Variants in IGF2R observed in about 807,000 individuals in gnomAD.
IGF2R encodes insulin like growth factor 2 receptor, also known as cation-independent mannose-6-phosphate receptor.
In IGF2R, 91 loss-of-function variants were observed where a neutral mutation model predicts 270.6. That is an observed-to-expected ratio of 0.34 (90% CI 0.28 to 0.40). The LOEUF is 0.40. Among genes scored for constraint, IGF2R ranks in the 10% least tolerant of loss-of-function variants. The probability of loss-of-function intolerance (pLI) is 1.00; values close to 1 mark genes in which losing one functional copy is unlikely to be tolerated. For synonymous variants in IGF2R, 1,316 were observed against 1,258.9 expected (o/e 1.05, Z -0.96); for missense variants, 2,805 against 3,188.3 (o/e 0.88, Z 2.90).
chr6:160,073,328 C>T lies in IGF2R; in HGVS notation c.4806C>T (p.Ser1602=), dbSNP rs771243457. Residue 1602 remains serine (S), a synonymous_variant, in exon 34 of 48, where the codon TCC becomes TCT. Coordinates refer to ENST00000356956, the MANE Select transcript of IGF2R (RefSeq NM_000876.4). The stretch of plus-strand genomic sequence containing the variant: ...ATGGGTCCCCTTGTCCCTCCAAATC[C>T]GGCCTGAGCTATAAGAGTGTGATCA... ...YKDGSPCPSK[S]GLSYKSVISF... The T allele has an allele frequency of 1.2e-5, 20 of 1,614,128 alleles. No homozygotes were observed. The highest frequency in any genetic ancestry group is 3.3e-4 in the Middle Eastern group (2 of 6,084).
At chr6:160,081,736 A>G (rs938731984) in intron 39 of IGF2R, among the ~76,000 whole-genome samples, 1 of 152,178 alleles carries the variant, frequency 6.6e-6, no homozygotes, top group Non-Finnish European at 1.5e-5. Context: ...TAATTATTAA[A>G]ATTCCTTACT....
intron 18 of IGF2R, 108 bp downstream of exon 18, chr6:160,048,651 A>C (rs1040279100): frequency 8.8e-7 from 1 of 1,130,734 alleles, no homozygotes; most frequent in African/African-American, 1.6e-5. Flanking sequence ...CAGCTGCTCG[A>C]GAGAAACCCT....
At chr6:160,074,014 A>G (rs538649287) in intron 35 of IGF2R, 39 bp downstream of exon 35, 14 of 1,475,252 alleles carry the variant, frequency 9.5e-6, no homozygotes, top group South Asian at 2.4e-5. Context: ...TAATTTTTGC[A>G]AGACTTTTAG....
At position 160,058,940 on chromosome 6, in the gene IGF2R, C is replaced by G. The variant is rs773883927; in HGVS notation, c.2933C>G (p.Thr978Ser). The stretch of plus-strand genomic sequence containing the variant: ...TGCGGCACAATGCCTGTCTGTGGGA[C>G]CATCCTGGGAAAACCTGCTTCTGGC... ...NVCGTMPVCG[T>S]ILGKPASGCE... is the part of the protein sequence containing the mutation. The change falls in exon 22 of 48, where the codon ACC (threonine) becomes AGC (serine). Residue 978 changes from threonine (T) to serine (S), a missense_variant. Physicochemically the swap from Thr to Ser is moderately conservative, Grantham distance 58 (BLOSUM62 1). Coordinates refer to ENST00000356956, the MANE Select transcript of IGF2R (RefSeq NM_000876.4). 1.2e-6 allele frequency: 2 copies of G among 1,614,086 alleles called. No individual in the cohort carries two copies. Among genetic ancestry groups the G allele is most frequent in the Non-Finnish European group, 1.7e-6 (2 of 1,180,052 alleles).
At chr6:160,012,610 G>T (rs143766154) in intron 4 of IGF2R, among the ~76,000 whole-genome samples, 20 of 151,666 alleles carry the variant, frequency 1.3e-4, no homozygotes, top group African/African-American at 4.8e-4. Context: ...AGGGGGTGAT[G>T]GAATCTGCCC....
At chr6:160,046,902 T>G (rs1222777277) in intron 15 of IGF2R, among the ~76,000 whole-genome samples, 1 of 152,198 alleles carries the variant, frequency 6.6e-6, no homozygotes, top group African/African-American at 2.4e-5. Flanking sequence ...TGCCTAGATA[T>G]CTCTGTGCGT....
In IGF2R at chr6:160,027,773, C is replaced by T. The variant is rs8191755; in HGVS notation, c.776+459C>T. Among the ~76,000 whole-genome samples the T allele has an allele frequency of 9.0e-4, 137 of 152,288 alleles. 3 individuals carry two copies. In the South Asian group the frequency reaches 0.025, roughly 28 times the overall value. On this transcript the variant is annotated intron_variant, in intron 6 of 47. Transcript: ENST00000356956. ...TGGTGTTCCTTATAATGTGTTGTGCCGTGTACATATGCTCTTGTACTGCCT... is the reference window on the plus strand; with the variant it reads ...TGGTGTTCCTTATAATGTGTTGTGCTGTGTACATATGCTCTTGTACTGCCT...
At chr6:160,038,889 G>A (rs893705936) in intron 10 of IGF2R, among the ~76,000 whole-genome samples, 1 of 152,172 alleles carries the variant, frequency 6.6e-6, no homozygotes, top group Non-Finnish European at 1.5e-5. Flanking sequence ...GGGCAATCTT[G>A]CCTTGTGGTT....
chr6:160,002,495 C>A (rs9355771), intron 2 of IGF2R, among the ~76,000 whole-genome samples: 1 of 152,088 alleles, frequency 6.6e-6, no homozygotes, highest in Admixed American at 6.6e-5. Context: ...CTTCATGTTG[C>A]GTAGGCTGAG....
intron 1 of IGF2R, among the ~76,000 whole-genome samples, chr6:159,989,632 A>G (rs1783946364): frequency 6.6e-6 from 1 of 152,226 alleles, no homozygotes; most frequent in African/African-American, 2.4e-5. Flanking sequence ...GGATCTTGGT[A>G]TGTTGCCCAG....
At chr6:160,003,698 G>C (rs1032533822) in intron 2 of IGF2R, 13 of 152,332 alleles carry the variant, frequency 8.5e-5, no homozygotes, top group African/African-American at 2.6e-4. Context: ...TACTGGAATT[G>C]AATCAGTCAC....
In IGF2R at chr6:160,088,129, G is replaced by A; in HGVS notation, c.6302G>A (p.Gly2101Asp). 1 of 1,607,704 alleles carries A rather than the reference G, an allele frequency of 6.2e-7. No individual in the cohort carries two copies. Residue 2101 changes from glycine (G) to aspartate (D), a missense_variant, in exon 42 of 48, where the codon GGC becomes GAC. Transcript: ENST00000356956. The part of the protein sequence containing the change: ...VIELTCTKTV[G>D]RPAFKRFDID... ...GAATTGACCTGTACAAAGACGGTGG[G>A]CAGACCTGCATTCAAGAGGTCAGGA... is the stretch of plus-strand genomic sequence containing the variant.
rs1249715935 is a variant in IGF2R, at chr6:160,109,395, T to C, written c.*4311T>C. 9 of 152,256 alleles carry C rather than the reference T, an allele frequency of 5.9e-5. No individual in the cohort carries two copies. Among genetic ancestry groups the C allele is most frequent in the Admixed American group, 5.9e-4 (9 of 15,292 alleles). 9.4% of individuals were successfully genotyped at this position (152,256 alleles called of 1,614,324 possible). ...GACCTCACCCTTGGCTTCAGGGTTTTATTTTTCTTTCTTTTAAAACATTTT... is the reference window on the plus strand; with the variant it reads ...GACCTCACCCTTGGCTTCAGGGTTTCATTTTTCTTTCTTTTAAAACATTTT... On this transcript the variant is annotated 3_prime_UTR_variant, in exon 48 of 48. Transcript: ENST00000356956.
chr6:160,103,858 C>T (rs752220044), intron 47 of IGF2R, 43 bp downstream of exon 47: 2 of 1,322,286 alleles, frequency 1.5e-6, no homozygotes, highest in South Asian at 1.2e-5. Flanking sequence ...GCCTCCCCGG[C>T]CCCCTGTGCT....
chr6:160,100,810 A>T (rs62440158), intron 45 of IGF2R, among the ~76,000 whole-genome samples: 2 of 52,732 alleles, frequency 3.8e-5, no homozygotes, highest in African/African-American at 7.1e-5. Context: ...TTTTTTTTGG[A>T]GACAGAGACT....
chr6:159,973,094 A>G (rs1447686068), intron 1 of IGF2R, among the ~76,000 whole-genome samples: 1 of 152,144 alleles, frequency 6.6e-6, no homozygotes, highest in Non-Finnish European at 1.5e-5. Context: ...GACCTGGGGC[A>G]GGAAGGAGTG....
rs974026320 is a variant in IGF2R at position 160,072,699 on chromosome 6, G to A, written c.4571-66G>A. On this transcript the variant is annotated intron_variant, in intron 32 of 47. Transcript: ENST00000356956. ...GACATAATCTGTGTGTGAGCTCGCCGATGATGAGCCTCCCAAGTCTCAGCT... is the reference window on the plus strand; with the variant it reads ...GACATAATCTGTGTGTGAGCTCGCCAATGATGAGCCTCCCAAGTCTCAGCT... 1.1e-5 allele frequency: 17 copies of A among 1,591,430 alleles called. No individual in the cohort carries two copies. In the African/African-American group the frequency reaches 1.2e-4, roughly 11 times the overall value.
intron 2 of IGF2R, among the ~76,000 whole-genome samples, chr6:160,002,579 G>A (rs986010941): frequency 6.6e-6 from 1 of 152,062 alleles, no homozygotes; most frequent in African/African-American, 2.4e-5. Context: ...GTGTATAAGT[G>A]GACCTGGGAA....
At position 160,092,730 on chromosome 6, in the gene IGF2R, C is replaced by T. The variant is rs186581148; in HGVS notation, c.6655+2627C>T. Among the ~76,000 whole-genome samples the T allele has an allele frequency of 2.3e-3, 344 of 152,314 alleles. 4 individuals carry two copies. The South Asian group carries it at 0.026, about 11-fold the overall frequency. On this transcript the variant is annotated intron_variant, in intron 44 of 47. Transcript: ENST00000356956. ...AGCCCCTGCTTCAGCTACTCCCAAG[C>T]GAGAATGTGGGGCCCTCCCGGAGCG...
Sources: gnomAD v4.1 joint callset for allele counts (sites outside exome capture counted in the v4.1 genomes callset) on GRCh38, gnomAD v4.1.1 for gene constraint, MANE v1.5 for transcripts, NCBI Gene and HGNC (gene_info 2026-07-23, HGNC 2026-07-21) for gene names.